SLIT1: variants seen among roughly 807,000 people sequenced by gnomAD.
The protein encoded by SLIT1 is slit homolog 1 protein.
A neutral mutation model predicts 186.1 loss-of-function variants in SLIT1; 66 were observed. The ratio of observed to expected loss-of-function variants is 0.35; its 90% CI spans 0.29 to 0.44. SLIT1 has a LOEUF of 0.44. SLIT1 is among the 20% of genes least tolerant of loss of function. The probability of loss-of-function intolerance (pLI) is 1.00; values close to 1 mark genes in which losing one functional copy is unlikely to be tolerated. For missense variants in SLIT1, 1,638 were observed against 2,037.4 expected, an observed-to-expected ratio of 0.80 and a Z score of 3.77; for synonymous variants, 761 against 833.8, an observed-to-expected ratio of 0.91 and a Z score of 1.50.
rs1564651582 is a variant in SLIT1, at chr10:97,004,658, CCT to C, written c.3710+33_3710+34del. On this transcript the variant is annotated intron_variant, in intron 33 of 36. Coordinates refer to ENST00000266058, the MANE Select transcript of SLIT1 (RefSeq NM_003061.3). This position sits in a 1 kb window ranked among gnomAD's most constrained non-coding sequence, Gnocchi z 5.1. The stretch of plus-strand genomic sequence containing the variant: ...GACCTCGCCCTGGCAGTCCCGTACC[CCT>C]GAGGGCAGCTGGGGGGCATAAGGAA... 4 of 1,613,456 alleles carry C rather than the reference CCT, an allele frequency of 2.5e-6. No homozygotes were observed. The Admixed American group carries it at 5.0e-5, about 20-fold the overall frequency.
At chr10:97,112,131 C>T (rs780689460) in intron 4 of SLIT1, among the ~76,000 whole-genome samples, 45 of 152,178 alleles carry the variant, frequency 3.0e-4, no homozygotes, top group Non-Finnish European at 5.7e-4. Context: ...TCCTTCCCTT[C>T]GTCACCTCTC....
intron 31 of SLIT1, among the ~76,000 whole-genome samples, chr10:97,008,106 A>C (rs58227937): frequency 0.13 from 20,287 of 152,060 alleles, 1,703 homozygotes; most frequent in East Asian, 0.41. Flanking sequence ...CATCCAGAAG[A>C]CATGATCTTA....
intron 1 of SLIT1, among the ~76,000 whole-genome samples, chr10:97,176,095 A>T (rs1387690815): frequency 2.0e-5 from 3 of 152,058 alleles, no homozygotes; most frequent in Non-Finnish European, 4.4e-5. Context: ...AAAACTAAAC[A>T]CAGGCACGTC....
intron 1 of SLIT1, among the ~76,000 whole-genome samples, chr10:97,166,893 T>C (rs1376576280): frequency 2.0e-5 from 3 of 152,146 alleles, no homozygotes; most frequent in Admixed American, 6.5e-5. Flanking sequence ...CTGCTGGTAA[T>C]TGACAGAACA....
chr10:97,088,892 G>C (rs1012229906), intron 4 of SLIT1, among the ~76,000 whole-genome samples: 2 of 152,108 alleles, frequency 1.3e-5, no homozygotes, highest in Non-Finnish European at 2.9e-5. Context: ...TCATCCTCAT[G>C]AGCTGTCATG....
intron 4 of SLIT1, among the ~76,000 whole-genome samples, chr10:97,124,849 G>A (rs886797313): frequency 3.3e-5 from 5 of 152,316 alleles, no homozygotes; most frequent in East Asian, 3.9e-4. Flanking sequence ...CCCAACGTAC[G>A]TTGCTTAACC....
At chr10:97,158,552 C>T (rs1849982615) in intron 3 of SLIT1, among the ~76,000 whole-genome samples, 1 of 151,500 alleles carries the variant, frequency 6.6e-6, no homozygotes, top group African/African-American at 2.4e-5. Context: ...ATCCCAGCTA[C>T]TCGGGAGGCT....
chr10:97,028,166 C>A (rs572343724), intron 25 of SLIT1, among the ~76,000 whole-genome samples: 1 of 152,294 alleles, frequency 6.6e-6, no homozygotes, highest in East Asian at 1.9e-4. Context: ...TTACCCAACA[C>A]AGATGGAAAC....
Position 97,060,711 on chromosome 10 carries a change from A to C in SLIT1, c.870T>G (p.Asn290Lys). 6.2e-7 allele frequency: 1 copy of C among 1,613,862 alleles called. No individual in the cohort carries two copies. Among genetic ancestry groups the C allele is most frequent in the Non-Finnish European group, 8.5e-7 (1 of 1,180,028 alleles). The change falls in exon 9 of 37, where the codon AAT becomes AAG. Residue 290 changes from asparagine (N) to lysine (K), a missense_variant. By Grantham distance (94) the Asn-to-Lys change is moderately conservative. Coordinates refer to ENST00000266058, the MANE Select transcript of SLIT1 (RefSeq NM_003061.3). Reference sequence around the variant, plus strand: ...CTTTTCCACGACAGTCCACGATGCCATTGCTGCAGGTGCACATGGCCGGGC... The same window carrying C: ...CTTTTCCACGACAGTCCACGATGCCCTTGCTGCAGGTGCACATGGCCGGGC... ...GSCPAMCTCS[N>K]GIVDCRGKGL...
chr10:97,110,641 T>G (rs1399242908), intron 4 of SLIT1, among the ~76,000 whole-genome samples: 1 of 152,238 alleles, frequency 6.6e-6, no homozygotes, highest in Non-Finnish European at 1.5e-5. Flanking sequence ...GGCTTACATA[T>G]ATACATCTAT....
rs1464254774 is a variant in SLIT1, at chr10:97,039,966, G to A, written c.2297+22C>T. The A allele has an allele frequency of 4.3e-6, 7 of 1,612,714 alleles. No individual in the cohort carries two copies. In the South Asian group the frequency reaches 5.5e-5, roughly 13 times the overall value. On this transcript the variant is annotated intron_variant, in intron 21 of 36. Transcript: ENST00000266058. ...CCGTCCTGTGGACCCACGTGAAGGG[G>A]GCAAGGCCTTGAGCTACTCACAGTT... is the stretch of plus-strand genomic sequence containing the variant.
In SLIT1 at chr10:97,043,309, C is replaced by CGTT. The variant is rs1848705773; in HGVS notation, c.1997+60_1997+61insAAC. On this transcript the variant is annotated intron_variant, in intron 19 of 36. Transcript: ENST00000266058. The surrounding 1 kb of genome is among the most constrained non-coding windows in gnomAD (Gnocchi z 7.0). Reference sequence around the variant, plus strand: ...GGTGAGCTCTTTCAAAGTGGCTGGCCGAGACGGTTGGGACGGTTGCTCCAG... The same window carrying CGTT: ...GGTGAGCTCTTTCAAAGTGGCTGGCCGTTGAGACGGTTGGGACGGTTGCTCCAG... 1 of 1,602,926 alleles carries CGTT rather than the reference C, an allele frequency of 6.2e-7. No individual in the cohort carries two copies. The highest frequency in any genetic ancestry group is 1.1e-5 in the South Asian group (1 of 90,396).
At chr10:97,120,139 G>A (rs530923749) in intron 4 of SLIT1, among the ~76,000 whole-genome samples, 1 of 151,930 alleles carries the variant, frequency 6.6e-6, no homozygotes, top group Admixed American at 6.6e-5. Flanking sequence ...ACTCAGAGAG[G>A]TTAAACTAGT....
chr10:97,019,107 C>G lies in SLIT1; in HGVS notation c.2747G>C (p.Gly916Ala). The G allele has an allele frequency of 6.2e-7, 1 of 1,609,368 alleles. No individual in the cohort carries two copies. Among genetic ancestry groups the G allele is most frequent in the Non-Finnish European group, 8.5e-7 (1 of 1,175,906 alleles). ...TTPAKKFECQ[G>A]PPTLAVQAKC... is the part of the protein sequence containing the mutation. Reference sequence around the variant, plus strand: ...GGCCTGGACAGCCAGCGTTGGAGGACCTGCAGCAAGGGGAGGGTGCTAGTG... The same window carrying G: ...GGCCTGGACAGCCAGCGTTGGAGGAGCTGCAGCAAGGGGAGGGTGCTAGTG... Residue 916 changes from glycine (G) to alanine (A), a missense_variant and splice_region_variant, in exon 27 of 37, where the codon GGT becomes GCT. By Grantham distance (60) the Gly-to-Ala change is moderately conservative. Coordinates refer to ENST00000266058, the MANE Select transcript of SLIT1 (RefSeq NM_003061.3).
chr10:97,135,276 TC>T (rs1288413130), intron 4 of SLIT1, among the ~76,000 whole-genome samples: 1 of 152,100 alleles, frequency 6.6e-6, no homozygotes, highest in African/African-American at 2.4e-5. Context: ...CCATAACAGT[TC>T]GGCCATTTAA....
At chr10:97,104,610 C>T (rs945193761) in intron 4 of SLIT1, among the ~76,000 whole-genome samples, 1 of 152,058 alleles carries the variant, frequency 6.6e-6, no homozygotes, top group African/African-American at 2.4e-5. Context: ...CTCTTGGATG[C>T]AAGCCCCTGT....
intron 36 of SLIT1, among the ~76,000 whole-genome samples, 160 bp downstream of exon 36, chr10:97,001,998 A>G (rs1848313950): frequency 2.6e-5 from 4 of 152,178 alleles, no homozygotes. Flanking sequence ...GATTGGGAGC[A>G]GTGCCCAGAG....
At chr10:97,024,372 G>C (rs1848527444) in intron 25 of SLIT1, among the ~76,000 whole-genome samples, 1 of 152,130 alleles carries the variant, frequency 6.6e-6, no homozygotes, top group South Asian at 2.1e-4. Context: ...TATATCTGGG[G>C]GTCACTTCAT....
At position 96,999,559 on chromosome 10, in the gene SLIT1, G is replaced by A. The variant is rs1332181274; in HGVS notation, c.*1553C>T. ...ACCCCCGTTGCCCACCAGAACCCCC[G>A]GGGGTGTGCCCTCTTGGTGAGCCCT... On this transcript the variant is annotated 3_prime_UTR_variant, in exon 37 of 37. Transcript: ENST00000266058. 1.3e-5 allele frequency: 2 copies of A among 152,296 alleles called. No homozygotes were observed. Among genetic ancestry groups the A allele is most frequent in the Non-Finnish European group, 2.9e-5 (2 of 68,100 alleles). 9.4% of individuals were successfully genotyped at this position (152,296 alleles called of 1,614,324 possible).
Sources: gnomAD v4.1 joint callset for allele counts (sites outside exome capture counted in the v4.1 genomes callset) on GRCh38, gnomAD v4.1.1 for gene constraint, Gnocchi (gnomAD v3.1) non-coding constraint, MANE v1.5 for transcripts, NCBI Gene and HGNC (gene_info 2026-07-23, HGNC 2026-07-21) for gene names.